Variants in SLC9A2 observed in about 807,000 individuals in gnomAD.
The protein encoded by SLC9A2 is solute carrier family 9 member A2.
Under a neutral mutation model 71.7 loss-of-function variants are expected in SLC9A2, and 42 were observed. That is an observed-to-expected ratio of 0.59 (90% CI 0.46 to 0.76). SLC9A2 has a LOEUF of 0.76. Among genes scored for constraint, SLC9A2 ranks in the 30% least tolerant of loss-of-function variants. The pLI is 0.00. For synonymous variants in SLC9A2, 396 were observed against 392.5 expected (o/e 1.01, Z -0.10); for missense variants, 829 against 1,017.4 (o/e 0.81, Z 2.52).
intron 1 of SLC9A2, among the ~76,000 whole-genome samples, chr2:102,652,417 C>T (rs2104515973): frequency 6.6e-6 from 1 of 152,238 alleles, no homozygotes. Context: ...CAGTCATGCA[C>T]CTCTTTCCCA....
At chr2:102,703,477 T>C (rs1290371131) in intron 9 of SLC9A2, among the ~76,000 whole-genome samples, 1 of 152,100 alleles carries the variant, frequency 6.6e-6, no homozygotes, top group Non-Finnish European at 1.5e-5. Context: ...TTTTTAAGGC[T>C]CCCCCAACAG....
At chr2:102,645,945 A>G (rs1313473517) in intron 1 of SLC9A2, among the ~76,000 whole-genome samples, 2 of 152,162 alleles carry the variant, frequency 1.3e-5, no homozygotes, top group African/African-American at 2.4e-5. Flanking sequence ...TTCAGGAAAC[A>G]CAGAGAACAC....
intron 8 of SLC9A2, among the ~76,000 whole-genome samples, 168 bp from the exon 9 acceptor site, chr2:102,702,226 ATGATTTTGAAAC>A (rs1301973918): frequency 1.3e-5 from 2 of 152,244 alleles, no homozygotes; most frequent in African/African-American, 4.8e-5. Context: ...CTTGCCATGA[ATGATTTTGAAAC>A]TGAAATAAGA....
intron 5 of SLC9A2, among the ~76,000 whole-genome samples, chr2:102,693,093 TG>T (rs1448463960): frequency 2.0e-5 from 3 of 151,996 alleles, no homozygotes; most frequent in East Asian, 1.9e-4. Flanking sequence ...TCTTTTTATA[TG>T]TTTTTTTCAT....
At position 102,708,153 on chromosome 2, in the gene SLC9A2, G is replaced by T; in HGVS notation, c.2103G>T (p.Gly701=). 1.2e-6 allele frequency: 2 copies of T among 1,613,890 alleles called. No homozygotes were observed. Among genetic ancestry groups the T allele is most frequent in the Non-Finnish European group, 1.7e-6 (2 of 1,179,950 alleles). Residue 701 remains glycine, a synonymous_variant, in exon 12 of 12, where the codon GGG becomes GGT. Coordinates refer to ENST00000233969, the MANE Select transcript of SLC9A2 (RefSeq NM_003048.6). ...GNSSDSDADA[G]TTVLNLQPRA... ...GCAGCGACTCAGACGCAGATGCCGGGACCACCGTGCTCAATTTGCAGCCCA... is the reference window on the plus strand; with the variant it reads ...GCAGCGACTCAGACGCAGATGCCGGTACCACCGTGCTCAATTTGCAGCCCA...
At chr2:102,646,787 A>ATATATATATATATATATC (rs1459305572) in intron 1 of SLC9A2, among the ~76,000 whole-genome samples, 1 of 148,342 alleles carries the variant, frequency 6.7e-6, no homozygotes, top group African/African-American at 2.5e-5. Flanking sequence ...ATATATATAT[A>ATATATATATATATATATC]TATCTCCAAT....
intron 7 of SLC9A2, among the ~76,000 whole-genome samples, chr2:102,699,388 G>T (rs139349550): frequency 1.3e-5 from 2 of 152,306 alleles, no homozygotes; most frequent in African/African-American, 4.8e-5. Context: ...TCCAGATTGT[G>T]TAGGAAGTCA....
intron 3 of SLC9A2, among the ~76,000 whole-genome samples, chr2:102,679,417 G>C (rs563947193): frequency 1.3e-5 from 2 of 149,722 alleles, no homozygotes; most frequent in South Asian, 4.2e-4. Context: ...AGTCTTGCTC[G>C]GTTGCCCAGG....
chr2:102,679,266 C>G (rs1192703037), intron 3 of SLC9A2, among the ~76,000 whole-genome samples: 1 of 152,114 alleles, frequency 6.6e-6, no homozygotes, highest in Non-Finnish European at 1.5e-5. Context: ...TGTCTGGCTA[C>G]TGTAAGCATC....
chr2:102,643,837 A>C (rs1292731569), intron 1 of SLC9A2, among the ~76,000 whole-genome samples: 1 of 151,920 alleles, frequency 6.6e-6, no homozygotes, highest in South Asian at 2.1e-4. Context: ...GTGATTATTC[A>C]TAGGCGTGAT....
chr2:102,708,449 C>A lies in SLC9A2; in HGVS notation c.2399C>A (p.Pro800His). 1 of 1,614,092 alleles carries A rather than the reference C, an allele frequency of 6.2e-7. No homozygotes were observed. The highest frequency in any genetic ancestry group is 8.5e-7 in the Non-Finnish European group (1 of 1,180,008). The part of the protein sequence containing the change: ...PPRLVWRASE[P>H]GSRKARFGSE... ...CGGCTGGTCTGGAGGGCATCGGAAC[C>A]TGGAAGCCGGAAAGCCCGATTTGGG... The change falls in exon 12 of 12, where the codon CCT becomes CAT. Residue 800 changes from proline to histidine, a missense_variant. Pro to His is a moderately conservative substitution (Grantham distance 77, BLOSUM62 -2). Coordinates refer to ENST00000233969, the MANE Select transcript of SLC9A2 (RefSeq NM_003048.6).
chr2:102,631,190 A>C (rs1006494963), intron 1 of SLC9A2, among the ~76,000 whole-genome samples: 4 of 152,072 alleles, frequency 2.6e-5, no homozygotes, highest in Admixed American at 2.6e-4. Flanking sequence ...TGTGGTATAG[A>C]CCTGGAATTT....
intron 2 of SLC9A2, among the ~76,000 whole-genome samples, chr2:102,663,920 G>T (rs1238127201): frequency 6.6e-6 from 1 of 152,160 alleles, no homozygotes; most frequent in East Asian, 1.9e-4. Context: ...AAAGCATATT[G>T]TCCACCAGAC....
chr2:102,687,253 C>T (rs935105872), intron 5 of SLC9A2, among the ~76,000 whole-genome samples: 2 of 152,134 alleles, frequency 1.3e-5, no homozygotes, highest in African/African-American at 4.8e-5. Flanking sequence ...TCCTATTCTC[C>T]TACCTACCAC....
Position 102,665,333 on chromosome 2 carries a change from C to T in SLC9A2, c.987C>T (p.His329=), listed in dbSNP as rs766328601. The T allele has an allele frequency of 3.7e-6, 6 of 1,612,890 alleles. No homozygotes were observed. Among genetic ancestry groups the T allele is most frequent in the East Asian group, 4.5e-5 (2 of 44,838 alleles). The change falls in exon 3 of 12, where the codon CAC becomes CAT. Residue 329 remains histidine (H), a synonymous_variant. Coordinates refer to ENST00000233969, the MANE Select transcript of SLC9A2 (RefSeq NM_003048.6). ...CCTACATCACAGCTGAAATGTTTCA[C>T]CTCTCAGGCATCATGGCGTAAGTAC... ...YLSYITAEMF[H]LSGIMAITAC...
At chr2:102,649,851 GC>G (rs986777521) in intron 1 of SLC9A2, among the ~76,000 whole-genome samples, 2 of 152,126 alleles carry the variant, frequency 1.3e-5, no homozygotes, top group African/African-American at 2.4e-5. Context: ...AAATAGGAAA[GC>G]TTTTACACTG....
intron 2 of SLC9A2, 42 bp from the exon 3 acceptor site, chr2:102,665,058 A>G (rs768320939): frequency 3.2e-6 from 5 of 1,580,824 alleles, no homozygotes; most frequent in African/African-American, 2.7e-5. Context: ...CAATGGGGAA[A>G]TGGGAAAGGG....
chr2:102,702,559 C>CAG, intron 9 of SLC9A2, 57 bp downstream of exon 9: 1 of 1,054,394 alleles, frequency 9.5e-7, no homozygotes, highest in Non-Finnish European at 1.4e-6. Flanking sequence ...AGGATGCCTT[C>CAG]TGGTTTTGTG....
rs1010366139 is a variant in SLC9A2 at position 102,695,107 on chromosome 2, G to A, written c.1580G>A (p.Arg527Lys). ...VCGHWGHNFW[R>K]DKFKKFDDKY... ...GGACATTGGGGTCACAACTTTTGGA[G>A]AGACAAGTAAGAAGGTCTTATGCCA... Residue 527 changes from arginine (R) to lysine (K), a missense_variant, in exon 7 of 12, where the codon AGA becomes AAA. Arg to Lys is a conservative substitution (Grantham distance 26). This residue lies in a region of SLC9A2 where 500 missense variants were observed against 726.3 expected (regional missense o/e 0.69). Coordinates refer to ENST00000233969, the MANE Select transcript of SLC9A2 (RefSeq NM_003048.6). 8.7e-6 allele frequency: 14 copies of A among 1,613,016 alleles called. No individual in the cohort carries two copies. Among genetic ancestry groups the A allele is most frequent in the Admixed American group, 1.7e-5 (1 of 59,988 alleles).
Sources: allele counts gnomAD v4.1 joint callset (sites outside exome capture counted in the v4.1 genomes callset), GRCh38; gene constraint gnomAD v4.1.1; regional missense constraint gnomAD v4.1.1; transcripts MANE v1.5; gene names NCBI Gene and HGNC (gene_info 2026-07-23, HGNC 2026-07-21).